CCDC7: variants seen among roughly 807,000 people sequenced by gnomAD.
The protein encoded by CCDC7 is coiled-coil domain containing 7.
Under a neutral mutation model 196.9 loss-of-function variants are expected in CCDC7, and 183 were observed. The observed-to-expected ratio is 0.93, with a 90% confidence interval of 0.82 to 1.05. The LOEUF (loss-of-function observed/expected upper bound fraction) is 1.05, where lower values mean the gene tolerates loss of function less well. Among genes scored for constraint, CCDC7 ranks in the 50% least tolerant of loss-of-function variants. CCDC7 has a pLI of 0.00. For missense variants in CCDC7, 1,540 were observed against 1,482.2 expected (o/e 1.04, Z -0.64); for synonymous variants, 525 against 484.6 (o/e 1.08, Z -1.10).
At chr10:32,707,604 A>G (rs1436818910) in intron 24 of CCDC7, among the ~76,000 whole-genome samples, 1 of 152,248 alleles carries the variant, frequency 6.6e-6, no homozygotes, top group Admixed American at 6.5e-5. Flanking sequence ...CCTTAAGCTG[A>G]TAAGCAACTT....
At chr10:32,844,408 C>T (rs1164965348) in intron 33 of CCDC7, among the ~76,000 whole-genome samples, 4 of 151,914 alleles carry the variant, frequency 2.6e-5, no homozygotes, top group Admixed American at 6.6e-5. Flanking sequence ...TTGATACATA[C>T]TTGATTTATA....
At chr10:32,679,390 G>T (rs2140991212) in intron 21 of CCDC7, among the ~76,000 whole-genome samples, 1 of 152,272 alleles carries the variant, frequency 6.6e-6, no homozygotes, top group East Asian at 1.9e-4. Flanking sequence ...CAGGGGTAGT[G>T]CTGTTTGGGT....
intron 11 of CCDC7, among the ~76,000 whole-genome samples, chr10:32,542,221 A>C (rs2051566402): frequency 6.6e-6 from 1 of 152,188 alleles, no homozygotes; most frequent in Non-Finnish European, 1.5e-5. Context: ...TTAAAACCTG[A>C]TTAGTTCTGC....
chr10:32,858,055 T>C (rs542717093), intron 41 of CCDC7, among the ~76,000 whole-genome samples: 2 of 151,924 alleles, frequency 1.3e-5, no homozygotes, highest in South Asian at 4.2e-4. Flanking sequence ...TCAAAAAATA[T>C]AAGCTACCAA....
At chr10:32,515,689 G>A (rs918045963) in intron 9 of CCDC7, among the ~76,000 whole-genome samples, 9 of 151,560 alleles carry the variant, frequency 5.9e-5, no homozygotes, top group East Asian at 2.0e-4. Context: ...GACTACAGGC[G>A]CCTGCCACCA....
At chr10:32,548,728 C>A (rs1589757101) in intron 13 of CCDC7, among the ~76,000 whole-genome samples, 1 of 152,208 alleles carries the variant, frequency 6.6e-6, no homozygotes, top group African/African-American at 2.4e-5. Flanking sequence ...CAGGTCACTG[C>A]AAATGCTATT....
At chr10:32,648,689 T>C (rs1480169103) in intron 20 of CCDC7, among the ~76,000 whole-genome samples, 2 of 152,212 alleles carry the variant, frequency 1.3e-5, no homozygotes, top group African/African-American at 4.8e-5. Context: ...TTCTTTGACA[T>C]TTTAATAATA....
intron 41 of CCDC7, among the ~76,000 whole-genome samples, chr10:32,872,936 GGGT>G (rs1230656467): frequency 6.6e-6 from 1 of 152,078 alleles, no homozygotes; most frequent in African/African-American, 2.4e-5. Flanking sequence ...TTCCCTTTGT[GGGT>G]AACCGGTGTT....
chr10:32,610,628 T>C (rs1368440911), intron 18 of CCDC7, among the ~76,000 whole-genome samples: 1 of 152,174 alleles, frequency 6.6e-6, no homozygotes, highest in Non-Finnish European at 1.5e-5. Flanking sequence ...GGAGCCCATA[T>C]GTTCTCATTG....
At chr10:32,797,341 G>C (rs1424870788) in intron 29 of CCDC7, among the ~76,000 whole-genome samples, 2 of 151,502 alleles carry the variant, frequency 1.3e-5, no homozygotes, top group African/African-American at 4.9e-5. Flanking sequence ...CCACAAAAAG[G>C]AATGAATTGA....
At chr10:32,566,043 A>G (rs1222695642) in intron 14 of CCDC7, among the ~76,000 whole-genome samples, 1 of 152,168 alleles carries the variant, frequency 6.6e-6, no homozygotes, top group Non-Finnish European at 1.5e-5. Context: ...ATAATACAAC[A>G]AGAAATGAAA....
upstream of CCDC7, among the ~76,000 whole-genome samples, chr10:32,444,722 C>T (rs1434497601): frequency 6.6e-6 from 1 of 151,862 alleles, no homozygotes; most frequent in Non-Finnish European, 1.5e-5. Flanking sequence ...AATTTTATTG[C>T]CAACTTTAAA....
chr10:32,877,725 T>C (rs1262878066), downstream of CCDC7, among the ~76,000 whole-genome samples: 1 of 152,144 alleles, frequency 6.6e-6, no homozygotes, highest in Non-Finnish European at 1.5e-5. Context: ...AATGAGGTAA[T>C]GCATTTTCTA....
At chr10:32,701,189 G>T (rs960087586) in intron 24 of CCDC7, among the ~76,000 whole-genome samples, 1 of 152,158 alleles carries the variant, frequency 6.6e-6, no homozygotes, top group South Asian at 2.1e-4. Context: ...ATTGGCTGTG[G>T]ATTTGTCCTG....
At chr10:32,699,367 T>C (rs2078261903) in intron 24 of CCDC7, among the ~76,000 whole-genome samples, 1 of 151,996 alleles carries the variant, frequency 6.6e-6, no homozygotes, top group Admixed American at 6.5e-5. Context: ...TCTATGTCCC[T>C]ACAAAGGACA....
chr10:32,579,048 A>C (rs2058494950), intron 16 of CCDC7, among the ~76,000 whole-genome samples: 1 of 152,164 alleles, frequency 6.6e-6, no homozygotes, highest in East Asian at 1.9e-4. Context: ...CATTCTCAAG[A>C]AGGATTATTA....
At position 32,734,928 on chromosome 10, in the gene CCDC7, TTAAAA is replaced by T. The variant is rs377052804; in HGVS notation, c.2905+5491_2905+5495del. On this transcript the variant is annotated intron_variant, in intron 28 of 41. Transcript: ENST00000639629. ...AACAAATAAAATTAAATAAAATAAG[TTAAAA>T]TAAAATAAAATAAAATAAATTTTAA... Among the ~76,000 whole-genome samples, 688 of 152,022 alleles carry T rather than the reference TTAAAA, an allele frequency of 4.5e-3. 5 individuals are homozygous for T. The highest frequency in any genetic ancestry group is 6.3e-3 in the Admixed American group (96 of 15,240).
chr10:32,752,336 A>T (rs576337212), intron 28 of CCDC7, among the ~76,000 whole-genome samples: 2 of 152,158 alleles, frequency 1.3e-5, no homozygotes, highest in African/African-American at 4.8e-5. Flanking sequence ...CTGGAAAATC[A>T]TAGACAAAAC....
chr10:32,704,456 A>G (rs2141655007), intron 24 of CCDC7, among the ~76,000 whole-genome samples: 1 of 151,332 alleles, frequency 6.6e-6, no homozygotes, highest in East Asian at 1.9e-4. Context: ...CTCAGGGGTC[A>G]GGGACCCACT....
Sources: allele counts gnomAD v4.1 joint callset (sites outside exome capture counted in the v4.1 genomes callset), GRCh38; gene constraint gnomAD v4.1.1; transcripts MANE v1.5; gene names NCBI Gene and HGNC (gene_info 2026-07-23, HGNC 2026-07-21).